The following MYO16 variants were observed in gnomAD, a reference collection of about 807,000 sequenced individuals.
The protein encoded by MYO16 is myosin XVI.
Under a neutral mutation model 205.3 loss-of-function variants are expected in MYO16, and 94 were observed. The ratio of observed to expected loss-of-function variants is 0.46; its 90% CI spans 0.39 to 0.54. The LOEUF is 0.54. MYO16 is among the 20% of genes least tolerant of loss of function. MYO16 has a pLI of 0.00. For missense variants in MYO16, 2,315 were observed against 2,387.5 expected (o/e 0.97, Z 0.63); for synonymous variants, 988 against 954.0 (o/e 1.04, Z -0.66).
At chr13:108,746,023 TA>T (rs1462241889) in intron 4 of MYO16, among the ~76,000 whole-genome samples, 1 of 126,756 alleles carries the variant, frequency 7.9e-6, no homozygotes, top group Admixed American at 8.5e-5. Context: ...CCATCTCTAC[TA>T]AAAAAATACA....
chr13:108,523,376 C>T, the MYO16 span, among the ~76,000 whole-genome samples: 12 of 152,324 alleles, frequency 7.9e-5, no homozygotes, highest in Middle Eastern at 0.01. Context: ...TGCCCAGCTT[C>T]GGGCCTTACT....
chr13:108,923,861 C>G (rs1252473105), intron 16 of MYO16, among the ~76,000 whole-genome samples: 4 of 152,290 alleles, frequency 2.6e-5, no homozygotes, highest in African/African-American at 7.2e-5. Context: ...ATGAATTATT[C>G]TTAGATCAGC....
At chr13:108,678,593 G>A (rs1882329810) in intron 2 of MYO16, among the ~76,000 whole-genome samples, 1 of 151,898 alleles carries the variant, frequency 6.6e-6, no homozygotes, top group Non-Finnish European at 1.5e-5. Flanking sequence ...AGGCTCAGAG[G>A]GTACATTTTT....
intron 1 of MYO16, among the ~76,000 whole-genome samples, chr13:108,657,492 A>G (rs1009852583): frequency 1.3e-5 from 2 of 152,228 alleles, no homozygotes; most frequent in African/African-American, 4.8e-5. Context: ...TGGAAGAAAT[A>G]TATATCTTGG....
At chr13:108,949,589 G>A (rs1883063782) in intron 16 of MYO16, among the ~76,000 whole-genome samples, 1 of 152,060 alleles carries the variant, frequency 6.6e-6, no homozygotes, top group African/African-American at 2.4e-5. Flanking sequence ...TAGTAAAAAT[G>A]CCAATCATCC....
chr13:108,521,540 A>G, the MYO16 span, among the ~76,000 whole-genome samples: 1 of 152,138 alleles, frequency 6.6e-6, no homozygotes, highest in African/African-American at 2.4e-5. Context: ...CTCAAACATA[A>G]TTGCCTGTAA....
chr13:109,066,915 C>T (rs1002801043), intron 27 of MYO16, among the ~76,000 whole-genome samples: 3 of 152,160 alleles, frequency 2.0e-5, no homozygotes, highest in South Asian at 2.1e-4. Flanking sequence ...TTGGCTGTTT[C>T]GTTTCATAAT....
chr13:108,520,878 T>C, the MYO16 span, among the ~76,000 whole-genome samples: 1 of 152,174 alleles, frequency 6.6e-6, no homozygotes, highest in Non-Finnish European at 1.5e-5. Context: ...CAGTAGAGGA[T>C]TGGAATTAAT....
chr13:108,568,950 AT>A, the MYO16 span, among the ~76,000 whole-genome samples: 121 of 151,136 alleles, frequency 8.0e-4, no homozygotes, highest in African/African-American at 1.5e-3. Context: ...TCCTAGTTAT[AT>A]TTTTTTTCAA....
At chr13:108,869,024 C>A (rs563178057) in intron 12 of MYO16, among the ~76,000 whole-genome samples, 1 of 152,172 alleles carries the variant, frequency 6.6e-6, no homozygotes, top group Non-Finnish European at 1.5e-5. Flanking sequence ...TTTGATTGGT[C>A]TGTTAAAATA....
In MYO16 at chr13:109,076,558, GTA is replaced by G. The variant is rs1594063032; in HGVS notation, c.3335+20965_3335+20966del. Among the ~76,000 whole-genome samples the G allele has an allele frequency of 3.3e-5, 5 of 152,144 alleles. No individual in the cohort carries two copies. The South Asian group carries it at 1.0e-3, about 32-fold the overall frequency. ...ACATGAAACTCCTGACGCTCCCAGT[GTA>G]TGGGAATACCATTTCTTATTTTCTA... On this transcript the variant is annotated intron_variant, in intron 27 of 34. Transcript: ENST00000457511.
the MYO16 span, among the ~76,000 whole-genome samples, chr13:108,507,707 T>C: frequency 6.6e-6 from 1 of 152,202 alleles, no homozygotes; most frequent in Admixed American, 6.5e-5. Context: ...ATAAGTTCTC[T>C]GCCTCTTTCT....
intron 22 of MYO16, among the ~76,000 whole-genome samples, chr13:109,014,264 A>T (rs903076965): frequency 1.3e-5 from 2 of 152,204 alleles, no homozygotes; most frequent in African/African-American, 4.8e-5. Flanking sequence ...TTTGTCAAAG[A>T]TCAGATGGTT....
intron 17 of MYO16, among the ~76,000 whole-genome samples, chr13:108,959,898 C>G (rs1004081112): frequency 6.6e-6 from 1 of 151,352 alleles, no homozygotes; most frequent in Non-Finnish European, 1.5e-5. Flanking sequence ...GAGGACAGCA[C>G]AGAGTCTTCG....
chr13:109,166,141 A>G (rs1878650210), intron 33 of MYO16, among the ~76,000 whole-genome samples: 2 of 152,240 alleles, frequency 1.3e-5, no homozygotes, highest in Admixed American at 6.5e-5. Flanking sequence ...GCCAATTGCA[A>G]TATGTCCACA....
intron 12 of MYO16, among the ~76,000 whole-genome samples, chr13:108,871,791 G>A (rs1378222090): frequency 6.6e-6 from 1 of 152,128 alleles, no homozygotes; most frequent in African/African-American, 2.4e-5. Flanking sequence ...CTGGGAGGAG[G>A]GGATGGAAAA....
chr13:108,804,664 T>C (rs181095051), intron 6 of MYO16, among the ~76,000 whole-genome samples: 4 of 152,350 alleles, frequency 2.6e-5, no homozygotes, highest in African/African-American at 9.6e-5. Flanking sequence ...TATTGTATTA[T>C]GATAATTGAA....
chr13:109,153,967 C>T (rs1160816064), intron 32 of MYO16, among the ~76,000 whole-genome samples: 3 of 152,152 alleles, frequency 2.0e-5, no homozygotes, highest in African/African-American at 4.8e-5. Context: ...TGGCACCTGC[C>T]CTGTGGCCCA....
intron 15 of MYO16, among the ~76,000 whole-genome samples, chr13:108,900,185 G>T: frequency 6.6e-6 from 1 of 151,860 alleles, no homozygotes; most frequent in Non-Finnish European, 1.5e-5. Flanking sequence ...TTTTCTTTAG[G>T]AATGTTGATT....
Sources: gnomAD v4.1 joint callset for allele counts (sites outside exome capture counted in the v4.1 genomes callset) on GRCh38, gnomAD v4.1.1 for gene constraint, MANE v1.5 for transcripts, NCBI Gene and HGNC (gene_info 2026-07-23, HGNC 2026-07-21) for gene names.